The following UBXN11 variants were observed in gnomAD, a reference collection of about 807,000 sequenced individuals.
UBXN11 encodes UBX domain protein 11, also known as UBX domain-containing protein 11.
UBXN11 carries 47 observed loss-of-function variants against 62.8 expected under a neutral mutation model. The ratio of observed to expected loss-of-function variants is 0.75; its 90% CI spans 0.59 to 0.95. The LOEUF (loss-of-function observed/expected upper bound fraction) is 0.95, where lower values mean the gene tolerates loss of function less well. Among genes scored for constraint, UBXN11 ranks in the 40% least tolerant of loss-of-function variants. The pLI, the probability that UBXN11 is intolerant of heterozygous loss-of-function variation, is 0.00. For missense variants in UBXN11, 638 were observed against 661.7 expected (o/e 0.96, Z 0.39); for synonymous variants, 294 against 267.0 (o/e 1.10, Z -0.99).
At chr1:26,310,147 T>A (rs1420828918), upstream of UBXN11, among the ~76,000 whole-genome samples, 1 of 152,124 alleles carries the variant, frequency 6.6e-6, no homozygotes, top group Non-Finnish European at 1.5e-5. Context: ...ACACCTGTAA[T>A]CCCAACATTT....
chr1:26,294,497 T>G (rs1026073583), intron 7 of UBXN11, among the ~76,000 whole-genome samples, 166 bp from the exon 8 acceptor site: 1 of 152,238 alleles, frequency 6.6e-6, no homozygotes, highest in African/African-American at 2.4e-5. Flanking sequence ...GGCTGTGACC[T>G]TGGAAAGCCA....
Position 26,282,364 on chromosome 1 carries a change from CGG to C in UBXN11, c.1496_1497del (p.Pro499ArgfsTer?). On this transcript the variant is annotated frameshift_variant, in exon 15 of 15. Coordinates refer to ENST00000374222, the MANE Select transcript of UBXN11 (RefSeq NM_001389556.1). LOFTEE classifies it low-confidence loss of function (END_TRUNC). ...CCGGGACCGGGACCGGGACTGGGGC[CGG>C]GACCGGGACCGGGACTGGGGCCGGG... is the stretch of plus-strand genomic sequence containing the variant. ...PGPGPSPGPGPGPSPGPGPGP... is the reference protein window; with the variant it reads ...PGPGPSPGPGXGPSPGPGPGP... 5 of 458,872 alleles carry C rather than the reference CGG, an allele frequency of 1.1e-5. No individual in the cohort carries two copies. In the South Asian group the frequency reaches 1.2e-4, roughly 11 times the overall value. The allele number at this position is 458,872 out of a possible 1,614,324, so 28.4% of individuals were successfully genotyped here. A position where few individuals can be genotyped will look rare whatever the true frequency, so the allele number is the denominator to read the frequency against.
In UBXN11 at chr1:26,282,388, C is replaced by CGGGACCGGGACCGGGACT. The variant is rs1557677711; in HGVS notation, c.1473_1474insAGTCCCGGTCCCGGTCCC (p.Pro491_Gly492insSerProGlyProGlyPro). On this transcript the variant is annotated inframe_insertion, in exon 15 of 15. Coordinates refer to ENST00000374222, the MANE Select transcript of UBXN11 (RefSeq NM_001389556.1). ...CCGGGACCGGGACCGGGACTGGGGCCGGGACCGGGACCGGGACAGGGACCA... is the reference window on the plus strand; with the variant it reads ...CCGGGACCGGGACCGGGACTGGGGCCGGGACCGGGACCGGGACTGGGACCGGGACCGGGACAGGGACCA... 4.3e-6 allele frequency: 1 copy of CGGGACCGGGACCGGGACT among 234,796 alleles called. No individual in the cohort carries two copies. The highest frequency in any genetic ancestry group is 9.1e-5 in the African/African-American group (1 of 10,962). The allele number at this position is 234,796 out of a possible 1,614,324, so 14.5% of individuals were successfully genotyped here.
At chr1:26,299,794 G>A (rs939625382) in intron 4 of UBXN11, among the ~76,000 whole-genome samples, 3 of 152,066 alleles carry the variant, frequency 2.0e-5, no homozygotes, top group African/African-American at 7.2e-5. Flanking sequence ...GAGGACACCT[G>A]GAGCTCTTTC....
chr1:26,317,823 G>C (rs2073814331), intron 1 of UBXN11: 4 of 578,254 alleles, frequency 6.9e-6, no homozygotes, highest in Non-Finnish European at 1.2e-5. Context: ...CCTAGAGCCT[G>C]GTATTATCCA....
At chr1:26,283,207 C>T (rs757951255) in intron 12 of UBXN11, among the ~76,000 whole-genome samples, 61 of 152,230 alleles carry the variant, frequency 4.0e-4, no homozygotes, top group Non-Finnish European at 7.6e-4. Flanking sequence ...TGGAAGCCCA[C>T]CCCAGCCTGG....
chr1:26,312,692 A>G (rs1386307737), intron 1 of UBXN11, among the ~76,000 whole-genome samples: 1 of 151,000 alleles, frequency 6.6e-6, no homozygotes, highest in East Asian at 2.0e-4. Flanking sequence ...AAAAGAGTGA[A>G]TGAGGCTGGA....
At chr1:26,291,119 C>G (rs951638008) in intron 8 of UBXN11, among the ~76,000 whole-genome samples, 1 of 152,138 alleles carries the variant, frequency 6.6e-6, no homozygotes, top group Non-Finnish European at 1.5e-5. Flanking sequence ...TCGGCACAGA[C>G]GGCCCTGGCT....
In UBXN11 at chr1:26,298,023, G is replaced by C. The variant is rs201705864; in HGVS notation, c.239C>G (p.Thr80Arg). 3 of 1,613,922 alleles carry C rather than the reference G, an allele frequency of 1.9e-6. No individual in the cohort carries two copies. Among genetic ancestry groups the C allele is most frequent in the Non-Finnish European group, 2.5e-6 (3 of 1,179,988 alleles). Residue 80 changes from threonine (T) to arginine (R), a missense_variant, in exon 5 of 15, where the codon ACG (threonine) becomes AGG (arginine). Thr to Arg is a moderately conservative substitution (Grantham distance 71). Coordinates refer to ENST00000374222, the MANE Select transcript of UBXN11 (RefSeq NM_001389556.1). ...CTGCTCCAGGTCCCACAACTTCCTC[G>C]TCATGAAGGCCATCAGCTCCGAGTC... ...SHDSELMAFM[T>R]RKLWDLEQQV...
chr1:26,300,862 T>C, intron 4 of UBXN11, 64 bp downstream of exon 4: 2 of 1,612,510 alleles, frequency 1.2e-6, no homozygotes, highest in Non-Finnish European at 1.7e-6. Flanking sequence ...TCCCTAGGCC[T>C]TGCCCCGTCT....
chr1:26,289,476 C>G (rs147470188), intron 8 of UBXN11, among the ~76,000 whole-genome samples: 1 of 151,994 alleles, frequency 6.6e-6, no homozygotes, highest in African/African-American at 2.4e-5. Flanking sequence ...GCCTTCCAGC[C>G]ATGCTGGGCA....
chr1:26,282,882 A>C lies in UBXN11; in HGVS notation c.1133T>G (p.Leu378Trp). The change falls in exon 13 of 15, where the codon TTG (leucine) becomes TGG (tryptophan). Residue 378 changes from leucine to tryptophan, a missense_variant. Transcript: ENST00000374222. Reference protein sequence around the residue: ...IQEIVVETPTLAAERERSQES... With the variant: ...IQEIVVETPTWAAERERSQES... ...CCCTCACCTCTCTCGCTCAGCGGCC[A>C]AGGTGGGCGTCTCCACCACAATCTC... The C allele has an allele frequency of 6.2e-7, 1 of 1,614,160 alleles. No homozygotes were observed. The highest frequency in any genetic ancestry group is 8.5e-7 in the Non-Finnish European group (1 of 1,180,018).
At chr1:26,317,586 T>C (rs1397581888) in intron 1 of UBXN11, among the ~76,000 whole-genome samples, 1 of 152,194 alleles carries the variant, frequency 6.6e-6, no homozygotes, top group Non-Finnish European at 1.5e-5. Flanking sequence ...TGGCTCTTTT[T>C]AAATTGGTTA....
intron 7 of UBXN11, among the ~76,000 whole-genome samples, chr1:26,295,544 C>T (rs956548881): frequency 4.6e-5 from 7 of 152,152 alleles, no homozygotes; most frequent in African/African-American, 1.7e-4. Context: ...TTTTCCCGTT[C>T]TTCTCCTTCC....
intron 8 of UBXN11, among the ~76,000 whole-genome samples, chr1:26,290,749 G>A (rs1364446960): frequency 1.3e-5 from 2 of 151,896 alleles, no homozygotes; most frequent in East Asian, 3.9e-4. Context: ...ACTGACTTGG[G>A]TAGGGGAAGT....
intron 8 of UBXN11, among the ~76,000 whole-genome samples, chr1:26,288,122 T>C (rs6598953): frequency 0.87 from 133,041 of 152,078 alleles, 59,174 homozygotes; most frequent in Non-Finnish European, 0.93. Flanking sequence ...ACCAGGGCTC[T>C]GTCTTCTTTA....
chr1:26,283,134 C>T (rs1202799316), intron 12 of UBXN11, among the ~76,000 whole-genome samples, 197 bp from the exon 13 acceptor site: 1 of 151,968 alleles, frequency 6.6e-6, no homozygotes, highest in Non-Finnish European at 1.5e-5. Context: ...CCCATGGTTC[C>T]CCCCAGGTAA....
At chr1:26,316,228 C>G (rs2073793487) in intron 1 of UBXN11, among the ~76,000 whole-genome samples, 1 of 151,000 alleles carries the variant, frequency 6.6e-6, no homozygotes, top group African/African-American at 2.4e-5. Context: ...CTCAGCCTCC[C>G]AAACTGCTAG....
At chr1:26,296,399 G>C (rs2073393390) in intron 7 of UBXN11, among the ~76,000 whole-genome samples, 1 of 152,212 alleles carries the variant, frequency 6.6e-6, no homozygotes, top group Non-Finnish European at 1.5e-5. Flanking sequence ...AGAAAGCTCG[G>C]GATGGAAAAC....
Sources: gnomAD v4.1 joint callset for allele counts (sites outside exome capture counted in the v4.1 genomes callset) on GRCh38, gnomAD v4.1.1 for gene constraint, MANE v1.5 for transcripts, NCBI Gene and HGNC (gene_info 2026-07-23, HGNC 2026-07-21) for gene names.